The following PET117 variants were observed in gnomAD, a reference collection of about 807,000 sequenced individuals.
PET117 encodes the protein protein PET117 homolog, mitochondrial.
PET117 carries 10 observed loss-of-function variants against 9.2 expected under a neutral mutation model. That is an observed-to-expected ratio of 1.09 (90% CI 0.67 to 1.85). The LOEUF (loss-of-function observed/expected upper bound fraction) is 1.85, where lower values mean the gene tolerates loss of function less well. Ranked by LOEUF, PET117 falls within the 40% of genes most tolerant of loss-of-function variation. The pLI, the probability that PET117 is intolerant of heterozygous loss-of-function variation, is 0.00. For missense variants in PET117, 96 were observed against 98.2 expected, an observed-to-expected ratio of 0.98 and a Z score of 0.09; for synonymous variants, 43 against 37.1, an observed-to-expected ratio of 1.16 and a Z score of -0.57.
intron 1 of PET117, among the ~76,000 whole-genome samples, chr20:18,141,005 A>T (rs1319739551): frequency 7.4e-6 from 1 of 135,930 alleles, no homozygotes; most frequent in African/African-American, 2.8e-5. Flanking sequence ...ACACAGGCAC[A>T]CACCACCACT....
Position 18,143,075 on chromosome 20 carries a change from G to A in PET117, c.*718G>A. 1 of 1,415,310 alleles carries A rather than the reference G, an allele frequency of 7.1e-7. No homozygotes were observed. The allele number at this position is 1,415,310 out of a possible 1,614,324, so 87.7% of individuals were successfully genotyped here. A position where few individuals can be genotyped will look rare whatever the true frequency, so the allele number is the denominator to read the frequency against. On this transcript the variant is annotated 3_prime_UTR_variant, in exon 2 of 2. Coordinates refer to ENST00000432901, the MANE Select transcript of PET117 (RefSeq NM_001164811.2). ...AGCTATAAATTTATATAAAACATAG[G>A]CATGTTTGTACTAATGAAACGTACT...
chr20:18,142,122 G>A (rs1305377745), intron 1 of PET117, 86 bp from the exon 2 acceptor site: 31 of 1,343,904 alleles, frequency 2.3e-5, no homozygotes, highest in East Asian at 7.6e-5. Context: ...GTATATTTTG[G>A]TAACACTGTT....
At chr20:18,138,305 C>T (rs761185770) in intron 1 of PET117, 3 of 1,185,026 alleles carry the variant, frequency 2.5e-6, no homozygotes, top group African/African-American at 1.6e-5. Flanking sequence ...GCCTTTGGAG[C>T]TCCGCGCTGA....
chr20:18,140,430 G>C (rs1291610378), intron 1 of PET117, among the ~76,000 whole-genome samples: 1 of 152,046 alleles, frequency 6.6e-6, no homozygotes, highest in African/African-American at 2.4e-5. Context: ...TTAAAAATAG[G>C]TAAAATAATT....
chr20:18,138,336 G>A, intron 1 of PET117: 14 of 1,116,262 alleles, frequency 1.3e-5, no homozygotes, highest in Non-Finnish European at 1.3e-5. Context: ...CTCCGCACAG[G>A]CACGGCACGC....
chr20:18,138,004 G>A lies in PET117; in HGVS notation c.49G>A (p.Ala17Thr). ...GCTGGGCCTCTCGGTGCTGCTGACGGCGGCCACAGTGGCCGGCGTACATGT... is the reference window on the plus strand; with the variant it reads ...GCTGGGCCTCTCGGTGCTGCTGACGACGGCCACAGTGGCCGGCGTACATGT... ...VVLGLSVLLT[A>T]ATVAGVHVKQ... Residue 17 changes from alanine to threonine, a missense_variant, in exon 1 of 2, where the codon GCG becomes ACG. Coordinates refer to ENST00000432901, the MANE Select transcript of PET117 (RefSeq NM_001164811.2). The A allele has an allele frequency of 1.3e-6, 2 of 1,506,256 alleles. No individual in the cohort carries two copies. The highest frequency in any genetic ancestry group is 1.7e-4 in the Middle Eastern group (1 of 5,836). The allele number at this position is 1,506,256 out of a possible 1,614,324, so 93.3% of individuals were successfully genotyped here. A position where few individuals can be genotyped will look rare whatever the true frequency, so the allele number is the denominator to read the frequency against.
At chr20:18,138,851 G>A (rs2037408406) in intron 1 of PET117, among the ~76,000 whole-genome samples, 1 of 152,120 alleles carries the variant, frequency 6.6e-6, no homozygotes, top group Non-Finnish European at 1.5e-5. Context: ...AAGCACCTTG[G>A]GAATACAAAG....
In PET117 at chr20:18,139,280, T is replaced by G. The variant is rs78840475; in HGVS notation, c.96+1229T>G. On this transcript the variant is annotated intron_variant, in intron 1 of 1. Coordinates refer to ENST00000432901, the MANE Select transcript of PET117 (RefSeq NM_001164811.2). ...AATAGAGGCAGAAGACTTCCGCCTCTTACAAGGAAAAGTAAAAGATGTTGA... is the reference window on the plus strand; with the variant it reads ...AATAGAGGCAGAAGACTTCCGCCTCGTACAAGGAAAAGTAAAAGATGTTGA... Among the ~76,000 whole-genome samples, 1,134 of 152,342 alleles carry G rather than the reference T, an allele frequency of 7.4e-3. 7 individuals are homozygous for G. The highest frequency in any genetic ancestry group is 0.012 in the Non-Finnish European group (801 of 68,030).
rs563176049 is a variant in PET117 at position 18,142,500 on chromosome 20, GT to G, written c.*145del. On this transcript the variant is annotated 3_prime_UTR_variant, in exon 2 of 2. Coordinates refer to ENST00000432901, the MANE Select transcript of PET117 (RefSeq NM_001164811.2). ...AAATAAAGGACAGTGGGTCATATAAGTTACTGCTTTCAGGGTCCCTTATATC... is the reference window on the plus strand; with the variant it reads ...AAATAAAGGACAGTGGGTCATATAAGTACTGCTTTCAGGGTCCCTTATATC... The G allele has an allele frequency of 2.8e-3, 4,030 of 1,458,076 alleles. 59 individuals are homozygous for G. Among genetic ancestry groups the G allele is most frequent in the South Asian group, 0.023 (1,551 of 68,324 alleles). The allele number at this position is 1,458,076 out of a possible 1,614,324, so 90.3% of individuals were successfully genotyped here. A position where few individuals can be genotyped will look rare whatever the true frequency, so the allele number is the denominator to read the frequency against.
At chr20:18,142,121 G>A (rs2037609378) in intron 1 of PET117, 87 bp from the exon 2 acceptor site, 7 of 1,327,130 alleles carry the variant, frequency 5.3e-6, no homozygotes, top group Non-Finnish European at 7.0e-6. Flanking sequence ...AGTATATTTT[G>A]GTAACACTGT....
chr20:18,138,078 G>T, intron 1 of PET117, 27 bp downstream of exon 1: 5 of 1,445,446 alleles, frequency 3.5e-6, no homozygotes, highest in Non-Finnish European at 4.5e-6. Flanking sequence ...CGTCTCTTCC[G>T]GGCCCGCGCG....
intron 1 of PET117, among the ~76,000 whole-genome samples, chr20:18,141,035 T>TTTTTTA (rs2037538195): frequency 5.1e-5 from 1 of 19,736 alleles, no homozygotes; most frequent in African/African-American, 1.3e-4. Flanking sequence ...TTTTTTTTTT[T>TTTTTTA]TTTTTTTTTT....
chr20:18,141,039 TTTTTTTTA>T (rs1414788632), intron 1 of PET117, among the ~76,000 whole-genome samples: 66 of 24,252 alleles, frequency 2.7e-3, no homozygotes, highest in Admixed American at 5.7e-3. Flanking sequence ...TTTTTTTTTT[TTTTTTTTA>T]TTTTTATTTT....
At chr20:18,138,306 T>C in intron 1 of PET117, 1 of 1,181,540 alleles carries the variant, frequency 8.5e-7, no homozygotes, top group Non-Finnish European at 1.0e-6. Context: ...CCTTTGGAGC[T>C]CCGCGCTGAA....
chr20:18,139,535 A>T (rs2037441431), intron 1 of PET117, among the ~76,000 whole-genome samples: 1 of 152,200 alleles, frequency 6.6e-6, no homozygotes, highest in East Asian at 1.9e-4. Flanking sequence ...ACAATGTTTT[A>T]AAAGTAACCC....
At chr20:18,141,023 A>ATTTTTTTTTTT (rs67633205) in intron 1 of PET117, among the ~76,000 whole-genome samples, 320 of 48,562 alleles carry the variant, frequency 6.6e-3, no homozygotes, top group Non-Finnish European at 7.9e-3. Flanking sequence ...ACTCCCTGCA[A>ATTTTTTTTTTT]TTTTTTTTTT....
chr20:18,142,581 G>C lies in PET117; in HGVS notation c.*224G>C. The C allele has an allele frequency of 6.3e-7, 1 of 1,575,448 alleles. No individual in the cohort carries two copies. ...TGGAAGAGTCTGTCTGGGTGATCCT[G>C]GTAGAAGCCCCATTAGGGTCACTGT... On this transcript the variant is annotated 3_prime_UTR_variant, in exon 2 of 2. Transcript: ENST00000432901.
chr20:18,139,159 A>G (rs1388221025), intron 1 of PET117, among the ~76,000 whole-genome samples: 1 of 152,210 alleles, frequency 6.6e-6, no homozygotes, highest in Non-Finnish European at 1.5e-5. Flanking sequence ...TGGTACAAGA[A>G]TTTTGACGAG....
chr20:18,140,596 G>C (rs1166092594), intron 1 of PET117, among the ~76,000 whole-genome samples: 1 of 151,774 alleles, frequency 6.6e-6, no homozygotes, highest in Non-Finnish European at 1.5e-5. Flanking sequence ...GATCATTTGA[G>C]GTCAGGAGTT....
Sources: allele counts gnomAD v4.1 joint callset (sites outside exome capture counted in the v4.1 genomes callset), GRCh38; gene constraint gnomAD v4.1.1; transcripts MANE v1.5; gene names NCBI Gene and HGNC (gene_info 2026-07-23, HGNC 2026-07-21).